TSHZ1: variants seen among roughly 807,000 people sequenced by gnomAD.
TSHZ1 encodes teashirt zinc finger homeobox 1.
A neutral mutation model predicts 67.1 loss-of-function variants in TSHZ1; 12 were observed. The observed-to-expected ratio is 0.18, with a 90% confidence interval of 0.11 to 0.29. TSHZ1 has a LOEUF of 0.29. TSHZ1 is among the 10% of genes least tolerant of loss of function. TSHZ1 has a pLI of 1.00. For synonymous variants in TSHZ1, 632 were observed against 622.4 expected (o/e 1.02, Z -0.23); for missense variants, 1,305 against 1,413.9 (o/e 0.92, Z 1.23).
At position 75,211,890 on chromosome 18, in the gene TSHZ1, A is replaced by C; in HGVS notation, c.14A>C (p.Lys5Thr). ...CGGCCGAGCAGCATGCCGAGGAGGA[A>C]GCAGCAGGCCCCCCGGCGCTCGGCA... MPRR[K>T]QQAPRRSAAY... Residue 5 changes from lysine to threonine, a missense_variant, in exon 1 of 2, where the codon AAG becomes ACG. Physicochemically the swap from Lys to Thr is moderately conservative, Grantham distance 78. Transcript: ENST00000580243. 2.5e-6 allele frequency: 3 copies of C among 1,192,442 alleles called. No homozygotes were observed. Among genetic ancestry groups the C allele is most frequent in the Non-Finnish European group, 2.1e-6 (2 of 962,946 alleles). The allele number at this position is 1,192,442 out of a possible 1,614,324, so 73.9% of individuals were successfully genotyped here. A position where few individuals can be genotyped will look rare whatever the true frequency, so the allele number is the denominator to read the frequency against.
Position 75,286,450 on chromosome 18 carries a change from T to C in TSHZ1, c.1043T>C (p.Val348Ala). Residue 348 changes from valine (V) to alanine (A), a missense_variant, in exon 2 of 2, where the codon GTC (valine) becomes GCC (alanine). This residue lies in a region of TSHZ1 where 909 missense variants were observed against 961.8 expected (regional missense o/e 0.95). Coordinates refer to ENST00000580243, the MANE Select transcript of TSHZ1 (RefSeq NM_001308210.2). This position sits in a 1 kb window ranked among gnomAD's most constrained non-coding sequence, Gnocchi z 5.1. ...CCAGTGCCAGCCATCACCAAACTGG[T>C]CCCCTCCACCAAAAAGCGGGCGCTT... ...KEPVPAITKL[V>A]PSTKKRALQD... 1 of 1,614,048 alleles carries C rather than the reference T, an allele frequency of 6.2e-7. No homozygotes were observed.
At chr18:75,252,500 G>T (rs1012905805) in intron 1 of TSHZ1, among the ~76,000 whole-genome samples, 1 of 152,140 alleles carries the variant, frequency 6.6e-6, no homozygotes, top group African/African-American at 2.4e-5. Flanking sequence ...TGCTTTTAAA[G>T]TGATGTTTAA....
chr18:75,236,023 GTGCGTGATAGGAAGCT>G (rs1165026135), intron 1 of TSHZ1, among the ~76,000 whole-genome samples: 3 of 152,136 alleles, frequency 2.0e-5, no homozygotes, highest in Non-Finnish European at 2.9e-5. Context: ...GATAGGAAGC[GTGCGTGATAGGAAGCT>G]TGCGTGATAG....
intron 1 of TSHZ1, among the ~76,000 whole-genome samples, chr18:75,258,033 C>T (rs914848668): frequency 1.3e-5 from 2 of 152,176 alleles, no homozygotes; most frequent in African/African-American, 4.8e-5. Flanking sequence ...GAGCAGTGCT[C>T]CTGGAGGCGG....
chr18:75,262,225 C>T (rs2023438755), intron 1 of TSHZ1, among the ~76,000 whole-genome samples: 1 of 152,160 alleles, frequency 6.6e-6, no homozygotes, highest in African/African-American at 2.4e-5. Flanking sequence ...ATTGTGATCA[C>T]TATAGACCTT....
At chr18:75,224,739 A>G (rs1406814871) in intron 1 of TSHZ1, among the ~76,000 whole-genome samples, 1 of 151,986 alleles carries the variant, frequency 6.6e-6, no homozygotes, top group Non-Finnish European at 1.5e-5. Flanking sequence ...CACACAGTAT[A>G]GGATACAGGG....
At chr18:75,270,646 C>A (rs749914231) in intron 1 of TSHZ1, among the ~76,000 whole-genome samples, 8 of 152,158 alleles carry the variant, frequency 5.3e-5, no homozygotes, top group Non-Finnish European at 5.9e-5. Flanking sequence ...GGGCTTCTTA[C>A]CCTTTCTACA....
At chr18:75,250,171 C>G (rs879348220) in intron 1 of TSHZ1, among the ~76,000 whole-genome samples, 2 of 151,886 alleles carry the variant, frequency 1.3e-5, no homozygotes, top group Non-Finnish European at 2.9e-5. Flanking sequence ...CCCCCTCTCA[C>G]CCCTCCAGTA....
chr18:75,227,598 T>TG (rs2022943006), intron 1 of TSHZ1, among the ~76,000 whole-genome samples: 1 of 152,228 alleles, frequency 6.6e-6, no homozygotes, highest in Admixed American at 6.5e-5. Flanking sequence ...AGTAGAGTTT[T>TG]GCATTGTAAT....
In TSHZ1 at chr18:75,286,051, G is replaced by A. The variant is rs1288344570; in HGVS notation, c.644G>A (p.Gly215Glu). 6 of 1,613,258 alleles carry A rather than the reference G, an allele frequency of 3.7e-6. No individual in the cohort carries two copies. Among genetic ancestry groups the A allele is most frequent in the Non-Finnish European group, 3.4e-6 (4 of 1,179,806 alleles). ...ACGCTGCAGCAGACGTCCTCGTATG[G>A]GCTGCTTCCTGAGCCCAGCCTGTTC... The part of the protein sequence containing the change: ...AKTLQQTSSY[G>E]LLPEPSLFST... Residue 215 changes from glycine (G) to glutamate (E), a missense_variant, in exon 2 of 2, where the codon GGG becomes GAG. Physicochemically the swap from Gly to Glu is moderately conservative, Grantham distance 98. This residue lies in a region of TSHZ1 where 358 missense variants were observed against 375.6 expected (regional missense o/e 0.95). Coordinates refer to ENST00000580243, the MANE Select transcript of TSHZ1 (RefSeq NM_001308210.2). This position sits in a 1 kb window ranked among gnomAD's most constrained non-coding sequence, Gnocchi z 5.1.
intron 1 of TSHZ1, among the ~76,000 whole-genome samples, chr18:75,225,571 G>A (rs558883958): frequency 6.6e-6 from 1 of 152,292 alleles, no homozygotes; most frequent in South Asian, 2.1e-4. Flanking sequence ...AGGAATTAGA[G>A]CCCCACTGTC....
chr18:75,278,269 G>A (rs117806589), intron 1 of TSHZ1, among the ~76,000 whole-genome samples: 2 of 145,736 alleles, frequency 1.4e-5, no homozygotes, highest in African/African-American at 2.5e-5. Flanking sequence ...TGGGTTGGAG[G>A]GGGGCTGGCT....
At chr18:75,264,484 ATTTTT>A (rs60144564) in intron 1 of TSHZ1, among the ~76,000 whole-genome samples, 84,837 of 146,520 alleles carry the variant, frequency 0.58, 24,050 homozygotes, top group South Asian at 0.69. Context: ...ACACTGACAG[ATTTTT>A]TTTTTTTTTT....
In TSHZ1 at chr18:75,281,306, G is replaced by T. The variant is rs1460122797; in HGVS notation, c.41-4142G>T. ...TCTGCCTCGGATACTCTCGTTTGGG[G>T]TTATTCGGTAACGTCTGAATCTGGA... On this transcript the variant is annotated intron_variant, in intron 1 of 1. Transcript: ENST00000580243. The surrounding 1 kb of genome is among the most constrained non-coding windows in gnomAD (Gnocchi z 5.3). Among the ~76,000 whole-genome samples, 1 of 152,200 alleles carries T rather than the reference G, an allele frequency of 6.6e-6. No individual in the cohort carries two copies. The highest frequency in any genetic ancestry group is 1.5e-5 in the Non-Finnish European group (1 of 68,030).
At position 75,281,312 on chromosome 18, in the gene TSHZ1, C is replaced by T. The variant is rs568084909; in HGVS notation, c.41-4136C>T. ...TCGGATACTCTCGTTTGGGGTTATT[C>T]GGTAACGTCTGAATCTGGAGATTCA... On this transcript the variant is annotated intron_variant, in intron 1 of 1. Coordinates refer to ENST00000580243, the MANE Select transcript of TSHZ1 (RefSeq NM_001308210.2). This position sits in a 1 kb window ranked among gnomAD's most constrained non-coding sequence, Gnocchi z 5.3. Among the ~76,000 whole-genome samples, 2 of 152,228 alleles carry T rather than the reference C, an allele frequency of 1.3e-5. No individual in the cohort carries two copies. Among genetic ancestry groups the T allele is most frequent in the East Asian group, 1.9e-4 (1 of 5,176 alleles).
chr18:75,212,718 T>C (rs2022715392), intron 1 of TSHZ1, among the ~76,000 whole-genome samples: 1 of 152,192 alleles, frequency 6.6e-6, no homozygotes, highest in Non-Finnish European at 1.5e-5. Context: ...GCTCCCCCTT[T>C]TGCTGCTCCA....
chr18:75,229,547 C>T (rs971625973), intron 1 of TSHZ1, among the ~76,000 whole-genome samples: 2 of 152,228 alleles, frequency 1.3e-5, no homozygotes, highest in African/African-American at 4.8e-5. Context: ...AAGAGTCCAG[C>T]ACGGTTCCTG....
At chr18:75,239,962 G>A (rs1040238252) in intron 1 of TSHZ1, among the ~76,000 whole-genome samples, 10 of 152,156 alleles carry the variant, frequency 6.6e-5, no homozygotes. Flanking sequence ...TTTCTAACAT[G>A]TGTGGCAGGG....
chr18:75,260,586 G>C (rs1177953615), intron 1 of TSHZ1, among the ~76,000 whole-genome samples: 2 of 152,186 alleles, frequency 1.3e-5, no homozygotes, highest in African/African-American at 2.4e-5. Flanking sequence ...TAAAGTTCAG[G>C]CTGTCTGTCC....
Sources: allele counts gnomAD v4.1 joint callset (sites outside exome capture counted in the v4.1 genomes callset), GRCh38; gene constraint gnomAD v4.1.1; regional missense constraint gnomAD v4.1.1; non-coding constraint Gnocchi (gnomAD v3.1); transcripts MANE v1.5; gene names NCBI Gene and HGNC (gene_info 2026-07-23, HGNC 2026-07-21).